Variants in SHC2 observed in about 807,000 individuals in gnomAD.
SHC2 encodes SHC adaptor protein 2.
SHC2 carries 62 observed loss-of-function variants against 60.6 expected under a neutral mutation model. The ratio of observed to expected loss-of-function variants is 1.02; its 90% CI spans 0.83 to 1.26. The LOEUF (loss-of-function observed/expected upper bound fraction) is 1.26. Among genes scored for constraint, SHC2 ranks in the 50% most tolerant of loss-of-function variants. The pLI is 0.00. For synonymous variants in SHC2, 375 were observed against 372.4 expected (o/e 1.01, Z -0.08); for missense variants, 873 against 822.2 (o/e 1.06, Z -0.76).
At chr19:421,006 C>T (rs926228095) in intron 11 of SHC2, among the ~76,000 whole-genome samples, 28 of 151,458 alleles carry the variant, frequency 1.8e-4, no homozygotes, top group East Asian at 5.8e-4. Context: ...GCTGAGATTG[C>T]GCCACTGCAC....
chr19:460,874 G>T lies in SHC2; in HGVS notation c.123C>A (p.Gly41=). ...RMPQWKFAAP[G]GFLGRGPAAA... ...CCGCCGGGCCGCGGCCCAGGAAGCC[G>T]CCCGGGGCCGCGAACTTCCACTGCG... The change falls in exon 1 of 13, where the codon GGC becomes GGA. Residue 41 remains glycine (G), a synonymous_variant. Coordinates refer to ENST00000264554, the MANE Select transcript of SHC2 (RefSeq NM_012435.3). 4 of 988,310 alleles carry T rather than the reference G, an allele frequency of 4.0e-6. No homozygotes were observed. The highest frequency in any genetic ancestry group is 4.8e-6 in the Non-Finnish European group (4 of 833,340). The allele number at this position is 988,310 out of a possible 1,614,324, so 61.2% of individuals were successfully genotyped here.
In SHC2 at chr19:440,880, G is replaced by A. The variant is rs372136812; in HGVS notation, c.521C>T (p.Thr174Met). The change falls in exon 2 of 13, where the codon ACG (threonine) becomes ATG (methionine). Residue 174 changes from threonine to methionine, a missense_variant. Coordinates refer to ENST00000264554, the MANE Select transcript of SHC2 (RefSeq NM_012435.3). This position sits in a 1 kb window ranked among gnomAD's most constrained non-coding sequence, Gnocchi z 7.0. Reference protein sequence around the residue: ...LRSMRSLDFNTRTQVTREAIN... With the variant: ...LRSMRSLDFNMRTQVTREAIN... ...GGCTCACCTGGTCACCTGCGTGCGC[G>A]TGTTAAAGTCCAGGGAGCGCATAGA... is the stretch of plus-strand genomic sequence containing the variant. 80 of 1,612,606 alleles carry A rather than the reference G, an allele frequency of 5.0e-5. 1 individual carries two copies. Among genetic ancestry groups the A allele is most frequent in the African/African-American group, 4.4e-4 (33 of 74,930 alleles).
rs10853969 is a variant in SHC2 at position 453,160 on chromosome 19, A to G, written c.468+7369T>C. On this transcript the variant is annotated intron_variant, in intron 1 of 12. Transcript: ENST00000264554. The surrounding 1 kb of genome is among the most constrained non-coding windows in gnomAD (Gnocchi z 6.3). ...ACTGTGGTCACACCGTCCTGAAAAC[A>G]GCCCAATGTTGTCTGGCCTTGGAAG... 0.82 allele frequency: 125,222 copies of G among 152,192 alleles called. 51,845 individuals carry two copies. The highest frequency in any genetic ancestry group is 0.96 in the East Asian group (4,963 of 5,154). The allele number at this position is 152,192 out of a possible 1,614,324, so 9.4% of individuals were successfully genotyped here.
intron 4 of SHC2, among the ~76,000 whole-genome samples, chr19:437,287 CTCATCTGCGTGCTCGTCTGT>C (rs1431975405): frequency 6.8e-6 from 1 of 147,608 alleles, no homozygotes; most frequent in African/African-American, 2.7e-5. Flanking sequence ...CGTCTGTGTG[CTCATCTGCGTGCTCGTCTGT>C]GTGCTCATCT....
intron 8 of SHC2, 73 bp from the exon 9 acceptor site, chr19:430,820 C>T (rs1974567474): frequency 7.1e-7 from 1 of 1,411,910 alleles, no homozygotes; most frequent in Middle Eastern, 2.1e-4. Context: ...CCCAGTCTCC[C>T]CGCCCGGCCC....
In SHC2 at chr19:438,994, G is replaced by A. The variant is rs372414911; in HGVS notation, c.576C>T (p.Gly192=). The A allele has an allele frequency of 7.0e-5, 112 of 1,600,612 alleles. No individual in the cohort carries two copies. The highest frequency in any genetic ancestry group is 1.0e-4 in the South Asian group (9 of 88,846). The part of the protein sequence containing the change: ...AINRLHEAVP[G]VRGSWKKKAP... ...CCTTTTTCTTCCAGGATCCCCGGACGCCAGGCACGGCCTCATGGAGCCGGT... is the reference window on the plus strand; with the variant it reads ...CCTTTTTCTTCCAGGATCCCCGGACACCAGGCACGGCCTCATGGAGCCGGT... The change falls in exon 3 of 13, where the codon GGC becomes GGT. Residue 192 remains glycine, a synonymous_variant. Coordinates refer to ENST00000264554, the MANE Select transcript of SHC2 (RefSeq NM_012435.3). This position sits in a 1 kb window ranked among gnomAD's most constrained non-coding sequence, Gnocchi z 5.0.
Position 460,968 on chromosome 19 carries a change from GGC to G in SHC2, c.27_28del (p.Pro11GlyfsTer162). On this transcript the variant is annotated frameshift_variant, in exon 1 of 13. Coordinates refer to ENST00000264554, the MANE Select transcript of SHC2 (RefSeq NM_012435.3). LOFTEE classifies it high-confidence loss of function. ...CTCGGGGGGCGCGGGGGGCGCCGGG[GGC>G]GCGCGCCCGCCCGGACCCTGCGTCA... 3 of 981,848 alleles carry G rather than the reference GGC, an allele frequency of 3.1e-6. No individual in the cohort carries two copies. The highest frequency in any genetic ancestry group is 3.6e-6 in the Non-Finnish European group (3 of 827,034). 60.8% of individuals were successfully genotyped at this position (981,848 alleles called of 1,614,324 possible).
intron 1 of SHC2, among the ~76,000 whole-genome samples, chr19:455,378 C>T (rs143944210): frequency 2.3e-4 from 35 of 152,316 alleles, no homozygotes; most frequent in African/African-American, 7.2e-4. Flanking sequence ...GGGTGGAAGC[C>T]GCAGGGTTGT....
chr19:460,231 C>T (rs932780935), intron 1 of SHC2, among the ~76,000 whole-genome samples: 1 of 152,040 alleles, frequency 6.6e-6, no homozygotes, highest in Non-Finnish European at 1.5e-5. Context: ...GGCCGCTCGC[C>T]GCTCTCGGCC....
intron 1 of SHC2, among the ~76,000 whole-genome samples, chr19:444,384 G>C (rs926110218): frequency 1.3e-5 from 2 of 152,084 alleles, no homozygotes; most frequent in African/African-American, 2.4e-5. Context: ...CCAGTGTCTG[G>C]CGCTACAGGG....
chr19:425,209 C>T lies in SHC2; in HGVS notation c.1197G>A (p.Val399=). The T allele has an allele frequency of 7.5e-7, 1 of 1,339,170 alleles. No individual in the cohort carries two copies. Among genetic ancestry groups the T allele is most frequent in the Non-Finnish European group, 9.7e-7 (1 of 1,035,322 alleles). The allele number at this position is 1,339,170 out of a possible 1,614,324, so 83.0% of individuals were successfully genotyped here. The change falls in exon 10 of 13, where the codon GTG becomes GTA. Residue 399 remains valine (V), a synonymous_variant. Transcript: ENST00000264554. This position sits in a 1 kb window ranked among gnomAD's most constrained non-coding sequence, Gnocchi z 4.1. ...CCGGGGGGCCCCGGGCGTCCGCCTG[C>T]ACGTAGCCGTCCCCCGGTGGAGCTG... ...TGTAPPGDGY[V]QADARGPPDH...
At chr19:418,717 C>A (rs539544822) in intron 12 of SHC2, among the ~76,000 whole-genome samples, 1 of 139,852 alleles carries the variant, frequency 7.2e-6, no homozygotes, top group African/African-American at 3.3e-5. Context: ...CAGGGAGTGA[C>A]GGCTGGTGGG....
Position 416,914 on chromosome 19 carries a change from G to A in SHC2, c.*414C>T, listed in dbSNP as rs111710660. ...GCACCCAGTCCTCAGGTGGGAAGAG[G>A]AAGCCCAGCCAGGCCCGGAATCCGC... On this transcript the variant is annotated 3_prime_UTR_variant, in exon 13 of 13. Coordinates refer to ENST00000264554, the MANE Select transcript of SHC2 (RefSeq NM_012435.3). 1.4e-3 allele frequency: 218 copies of A among 153,094 alleles called. No homozygotes were observed. The highest frequency in any genetic ancestry group is 5.0e-3 in the African/African-American group (208 of 41,584). The allele number at this position is 153,094 out of a possible 1,614,324, so 9.5% of individuals were successfully genotyped here.
At chr19:439,754 G>A (rs1459888135) in intron 2 of SHC2, among the ~76,000 whole-genome samples, 5 of 152,010 alleles carry the variant, frequency 3.3e-5, no homozygotes, top group South Asian at 2.1e-4. Flanking sequence ...ATGCAGGCGC[G>A]GCGGCCCCCA....
At position 422,863 on chromosome 19, in the gene SHC2, G is replaced by A. The variant is rs1350580542; in HGVS notation, c.1310-407C>T. The A allele has an allele frequency of 1.2e-5, 2 of 170,092 alleles. No individual in the cohort carries two copies. The highest frequency in any genetic ancestry group is 5.9e-5 in the Admixed American group (1 of 16,852). 10.5% of individuals were successfully genotyped at this position (170,092 alleles called of 1,614,324 possible). A position where few individuals can be genotyped will look rare whatever the true frequency, so the allele number is the denominator to read the frequency against. On this transcript the variant is annotated intron_variant, in intron 10 of 12. Coordinates refer to ENST00000264554, the MANE Select transcript of SHC2 (RefSeq NM_012435.3). The surrounding 1 kb of genome is among the most constrained non-coding windows in gnomAD (Gnocchi z 5.0). ...GCCCTAAATACTCAAGACGACAGCCGGCACCCCTCTCTTGCCCCTAGCGTT... is the reference window on the plus strand; with the variant it reads ...GCCCTAAATACTCAAGACGACAGCCAGCACCCCTCTCTTGCCCCTAGCGTT...
At chr19:434,686 T>TC (rs1263513274) in intron 8 of SHC2, 23 bp downstream of exon 8, 2 of 1,586,888 alleles carry the variant, frequency 1.3e-6, no homozygotes, top group Middle Eastern at 1.7e-4. Flanking sequence ...CCTGTCCCCA[T>TC]CCCCCCGAGG....
intron 12 of SHC2, among the ~76,000 whole-genome samples, chr19:418,115 A>G (rs1024138716): frequency 2.6e-5 from 4 of 151,748 alleles, no homozygotes; most frequent in African/African-American, 7.3e-5. Context: ...ACACCCTACC[A>G]TGGGTCCCCC....
Position 436,283 on chromosome 19 carries a change from T to A in SHC2, c.835A>T (p.Ile279Phe). 1 of 1,591,476 alleles carries A rather than the reference T, an allele frequency of 6.3e-7. No individual in the cohort carries two copies. Among genetic ancestry groups the A allele is most frequent in the Non-Finnish European group, 8.5e-7 (1 of 1,170,344 alleles). ...KDPINQRACHILECCEGLAQS... is the reference protein window; with the variant it reads ...KDPINQRACHFLECCEGLAQS... Reference sequence around the variant, plus strand: ...GCCAGGCCCTCACAGCACTCCAGGATGTGGCAGGCTGCGGGCACGTTGGTC... The same window carrying A: ...GCCAGGCCCTCACAGCACTCCAGGAAGTGGCAGGCTGCGGGCACGTTGGTC... The change falls in exon 7 of 13, where the codon ATC becomes TTC. Residue 279 changes from isoleucine to phenylalanine, a missense_variant. Ile to Phe is a conservative substitution (Grantham distance 21). Coordinates refer to ENST00000264554, the MANE Select transcript of SHC2 (RefSeq NM_012435.3).
chr19:417,908 G>A (rs138379474), intron 12 of SHC2, among the ~76,000 whole-genome samples: 93 of 152,222 alleles, frequency 6.1e-4, no homozygotes, highest in Middle Eastern at 3.4e-3. Flanking sequence ...GGGGACAGGA[G>A]AGCGGCCTGA....
Sources: gnomAD v4.1 joint callset for allele counts (sites outside exome capture counted in the v4.1 genomes callset) on GRCh38, gnomAD v4.1.1 for gene constraint, Gnocchi (gnomAD v3.1) non-coding constraint, MANE v1.5 for transcripts, NCBI Gene and HGNC (gene_info 2026-07-23, HGNC 2026-07-21) for gene names.